Variants in RORA observed in about 807,000 individuals in gnomAD.
The protein encoded by RORA is nuclear receptor ROR-alpha.
RORA carries 7 observed loss-of-function variants against 69.5 expected under a neutral mutation model. The observed-to-expected ratio is 0.10, with a 90% confidence interval of 0.06 to 0.19. The LOEUF is 0.19. Among genes scored for constraint, RORA ranks in the 10% least tolerant of loss-of-function variants. The pLI, the probability that RORA is intolerant of heterozygous loss-of-function variation, is 1.00. For missense variants in RORA, 457 were observed against 663.0 expected, an observed-to-expected ratio of 0.69 and a Z score of 3.41; for synonymous variants, 261 against 240.8, an observed-to-expected ratio of 1.08 and a Z score of -0.78.
intron 1 of RORA, among the ~76,000 whole-genome samples, chr15:61,159,063 G>C (rs923431067): frequency 6.6e-6 from 1 of 152,016 alleles, no homozygotes; most frequent in African/African-American, 2.4e-5. Flanking sequence ...GCTAGACATA[G>C]GTAGATATAA....
At chr15:61,215,539 A>G (rs1381984290) in intron 1 of RORA, among the ~76,000 whole-genome samples, 1 of 152,206 alleles carries the variant, frequency 6.6e-6, no homozygotes, top group East Asian at 1.9e-4. Flanking sequence ...CATAATTAAT[A>G]TGTGTCCCCA....
chr15:60,984,540 A>G (rs1005732616), intron 1 of RORA, among the ~76,000 whole-genome samples: 1 of 152,052 alleles, frequency 6.6e-6, no homozygotes, highest in African/African-American at 2.4e-5. Flanking sequence ...TCTAATGTCT[A>G]CAAACAATTT....
At chr15:60,885,354 G>A (rs534205578) in intron 1 of RORA, among the ~76,000 whole-genome samples, 2 of 152,278 alleles carry the variant, frequency 1.3e-5, no homozygotes, top group South Asian at 2.1e-4. Context: ...AGCTATCCCC[G>A]CCAGGTTACC....
chr15:61,005,503 C>T (rs1007395822), intron 1 of RORA, among the ~76,000 whole-genome samples: 2 of 151,982 alleles, frequency 1.3e-5, no homozygotes, highest in African/African-American at 2.4e-5. Context: ...AAAAGTTATG[C>T]TTACAACAAA....
At chr15:60,509,989 T>C (rs2065644083) in intron 5 of RORA, among the ~76,000 whole-genome samples, 2 of 152,174 alleles carry the variant, frequency 1.3e-5, no homozygotes, top group South Asian at 4.1e-4. Context: ...TAAAGAACAT[T>C]CAATTTGTTC....
intron 1 of RORA, among the ~76,000 whole-genome samples, chr15:60,766,359 A>T (rs1315117892): frequency 6.6e-6 from 1 of 152,176 alleles, no homozygotes; most frequent in African/African-American, 2.4e-5. Flanking sequence ...ATAATAAAGT[A>T]AAATAAAGCC....
At chr15:60,544,506 A>C (rs1037138496) in intron 2 of RORA, among the ~76,000 whole-genome samples, 1 of 152,150 alleles carries the variant, frequency 6.6e-6, no homozygotes, top group Admixed American at 6.5e-5. Flanking sequence ...GCTTAATGTT[A>C]GAAAATAACA....
At chr15:61,171,234 C>T (rs1312519910) in intron 1 of RORA, among the ~76,000 whole-genome samples, 4 of 152,034 alleles carry the variant, frequency 2.6e-5, no homozygotes, top group Admixed American at 1.3e-4. Context: ...TCCTCCACAG[C>T]CCTACACCCA....
intron 1 of RORA, among the ~76,000 whole-genome samples, chr15:61,151,590 C>T (rs944725555): frequency 6.6e-6 from 1 of 152,172 alleles, no homozygotes; most frequent in Non-Finnish European, 1.5e-5. Context: ...ATCTAAATAT[C>T]CTGCATGTTA....
At chr15:60,954,078 G>A (rs1425036552) in intron 1 of RORA, among the ~76,000 whole-genome samples, 2 of 150,038 alleles carry the variant, frequency 1.3e-5, no homozygotes, top group Non-Finnish European at 3.0e-5. Context: ...TTAAGAAAAT[G>A]TGGCACATAT....
At chr15:60,691,946 A>G (rs987195887) in intron 1 of RORA, among the ~76,000 whole-genome samples, 4 of 152,258 alleles carry the variant, frequency 2.6e-5, no homozygotes, top group African/African-American at 9.6e-5. Context: ...CATATGCTAC[A>G]TACAGCAAGA....
intron 2 of RORA, among the ~76,000 whole-genome samples, chr15:60,555,283 T>G (rs2067325089): frequency 6.6e-6 from 1 of 152,180 alleles, no homozygotes; most frequent in Non-Finnish European, 1.5e-5. Flanking sequence ...GCCTTGTAGT[T>G]GCCTTGCTAA....
intron 1 of RORA, among the ~76,000 whole-genome samples, chr15:60,940,620 T>C (rs558151053): frequency 6.6e-6 from 1 of 152,294 alleles, no homozygotes; most frequent in Admixed American, 6.5e-5. Context: ...CATCTAACTG[T>C]ATGCTTATAA....
intron 1 of RORA, among the ~76,000 whole-genome samples, chr15:60,846,837 G>A (rs1016437825): frequency 2.6e-5 from 4 of 152,078 alleles, no homozygotes; most frequent in African/African-American, 2.4e-5. Flanking sequence ...GTGCAGTATC[G>A]AATATGCTTC....
chr15:61,148,540 T>C (rs1381110091), intron 1 of RORA, among the ~76,000 whole-genome samples: 1 of 152,158 alleles, frequency 6.6e-6, no homozygotes, highest in African/African-American at 2.4e-5. Flanking sequence ...GATCCACTCC[T>C]ATCAAGTAGC....
At chr15:60,792,520 T>G (rs548269447) in intron 1 of RORA, among the ~76,000 whole-genome samples, 31 of 152,298 alleles carry the variant, frequency 2.0e-4, no homozygotes, top group Admixed American at 7.8e-4. Context: ...CAGTCAATTT[T>G]CTGAAGTCGA....
At chr15:60,826,996 G>T (rs1432065514) in intron 1 of RORA, among the ~76,000 whole-genome samples, 2 of 152,148 alleles carry the variant, frequency 1.3e-5, no homozygotes, top group South Asian at 4.1e-4. Flanking sequence ...TCCGTGATGT[G>T]AGTATAATAT....
intron 2 of RORA, among the ~76,000 whole-genome samples, chr15:60,598,754 G>T (rs546425997): frequency 6.6e-6 from 1 of 152,294 alleles, no homozygotes; most frequent in East Asian, 1.9e-4. Context: ...ACCCTACATT[G>T]TTCAGGGATC....
At chr15:61,185,640 T>C (rs1202993998) in intron 1 of RORA, among the ~76,000 whole-genome samples, 2 of 152,210 alleles carry the variant, frequency 1.3e-5, no homozygotes, top group East Asian at 1.9e-4. Context: ...GAAAATCTCA[T>C]GCTATTGATC....
Sources: gnomAD v4.1 joint callset for allele counts (sites outside exome capture counted in the v4.1 genomes callset) on GRCh38, gnomAD v4.1.1 for gene constraint, MANE v1.5 for transcripts, NCBI Gene and HGNC (gene_info 2026-07-23, HGNC 2026-07-21) for gene names.